NCOA1: variants seen among roughly 807,000 people sequenced by gnomAD.
The protein encoded by NCOA1 is Hin-2 protein.
Under a neutral mutation model 150.9 loss-of-function variants are expected in NCOA1, and 35 were observed. That is an observed-to-expected ratio of 0.23 (90% confidence interval 0.18 to 0.31). NCOA1 has a LOEUF of 0.31. NCOA1 is among the 10% of genes least tolerant of loss of function. The probability of loss-of-function intolerance (pLI) is 1.00; values close to 1 mark genes in which losing one functional copy is unlikely to be tolerated. For synonymous variants in NCOA1, 590 were observed against 630.0 expected (o/e 0.94, Z 0.95); for missense variants, 1,491 against 1,749.3 (o/e 0.85, Z 2.63).
At chr2:24,530,670 T>C (rs573439407) in intron 1 of NCOA1, among the ~76,000 whole-genome samples, 3 of 152,236 alleles carry the variant, frequency 2.0e-5, no homozygotes, top group Non-Finnish European at 4.4e-5. Context: ...TTATTTTGTT[T>C]AGTACTTTAA....
rs367947337 is a variant in NCOA1 at position 24,604,713 on chromosome 2, A to G, written c.-175+20153A>G. ...GGTTTGATCTATCCAGACCACTCAAACTTTACCCATATGAGCAACAAGGAG... is the reference window on the plus strand; with the variant it reads ...GGTTTGATCTATCCAGACCACTCAAGCTTTACCCATATGAGCAACAAGGAG... On this transcript the variant is annotated intron_variant, in intron 3 of 22. Coordinates refer to ENST00000348332, the MANE Select transcript of NCOA1 (RefSeq NM_003743.5). Among the ~76,000 whole-genome samples the G allele has an allele frequency of 4.6e-4, 70 of 152,268 alleles. 2 individuals carry two copies. The East Asian group carries it at 6.9e-3, about 15-fold the overall frequency.
At chr2:24,560,509 T>TA (rs1666254310) in intron 1 of NCOA1, among the ~76,000 whole-genome samples, 1 of 152,174 alleles carries the variant, frequency 6.6e-6, no homozygotes, top group Admixed American at 6.5e-5. Context: ...TGGAACTACT[T>TA]AGAGTGCTTG....
intron 14 of NCOA1, among the ~76,000 whole-genome samples, chr2:24,721,347 T>G (rs1674349253): frequency 1.3e-5 from 2 of 152,220 alleles, no homozygotes; most frequent in African/African-American, 4.8e-5. Context: ...TTAAAGTTGC[T>G]TTCTTTCTCC....
chr2:24,747,327 C>CTTTTTTTTTTTTTTTTTTTTTTTT (rs148901218), intron 19 of NCOA1, among the ~76,000 whole-genome samples: 7 of 120,164 alleles, frequency 5.8e-5, no homozygotes, highest in South Asian at 5.4e-4. Context: ...TTATTTTTCT[C>CTTTTTTTTTTTTTTTTTTTTTTTT]TTTTTTTTTT....
chr2:24,708,131 T>C (rs1673551188), intron 13 of NCOA1, among the ~76,000 whole-genome samples: 1 of 152,174 alleles, frequency 6.6e-6, no homozygotes, highest in African/African-American at 2.4e-5. Flanking sequence ...CTCTATAAAA[T>C]CAGTGTTCAC....
intron 10 of NCOA1, among the ~76,000 whole-genome samples, chr2:24,695,823 ATAACT>A (rs1214963226): frequency 6.6e-6 from 1 of 152,176 alleles, no homozygotes; most frequent in Non-Finnish European, 1.5e-5. Flanking sequence ...ACCATTGCTG[ATAACT>A]TAATCACTTT....
chr2:24,566,823 TGCTCCGAGATTGG>T (rs2148268792), intron 2 of NCOA1, among the ~76,000 whole-genome samples: 1 of 152,356 alleles, frequency 6.6e-6, no homozygotes, highest in African/African-American at 2.4e-5. Context: ...GCCTCAACTT[TGCTCCGAGATTGG>T]AGCAGGCGCT....
At chr2:24,764,279 T>C (rs1459282520) in intron 22 of NCOA1, among the ~76,000 whole-genome samples, 1 of 152,228 alleles carries the variant, frequency 6.6e-6, no homozygotes, top group Non-Finnish European at 1.5e-5. Context: ...GTTCCTGCCA[T>C]ACCAGTTAGG....
At chr2:24,712,288 G>C (rs973734126) in intron 14 of NCOA1, among the ~76,000 whole-genome samples, 1 of 152,210 alleles carries the variant, frequency 6.6e-6, no homozygotes. Context: ...CACAATTGAG[G>C]AAACAGTAAG....
intron 1 of NCOA1, among the ~76,000 whole-genome samples, chr2:24,544,825 C>CA (rs1558781739): frequency 6.6e-6 from 1 of 151,896 alleles, no homozygotes; most frequent in Non-Finnish European, 1.5e-5. Flanking sequence ...GCTAACAATT[C>CA]AAAAAACATT....
chr2:24,627,121 GTTTTT>G (rs33949925), intron 3 of NCOA1, among the ~76,000 whole-genome samples: 6 of 115,160 alleles, frequency 5.2e-5, no homozygotes, highest in Non-Finnish European at 1.0e-4. Flanking sequence ...GTTTTTTGCT[GTTTTT>G]TTTTTTTTTT....
chr2:24,647,515 A>T (rs1283113905), intron 4 of NCOA1, among the ~76,000 whole-genome samples: 1 of 152,224 alleles, frequency 6.6e-6, no homozygotes, highest in African/African-American at 2.4e-5. Context: ...GGTAAATCTT[A>T]CATAAGTGTT....
intron 1 of NCOA1, among the ~76,000 whole-genome samples, chr2:24,562,600 T>C (rs551809092): frequency 6.6e-6 from 1 of 152,206 alleles, no homozygotes; most frequent in Non-Finnish European, 1.5e-5. Context: ...AGGACCTGAT[T>C]AATGGTGCAT....
At chr2:24,651,063 G>A (rs1670689611) in intron 4 of NCOA1, among the ~76,000 whole-genome samples, 1 of 152,030 alleles carries the variant, frequency 6.6e-6, no homozygotes, top group South Asian at 2.1e-4. Context: ...ATTGGCAAAG[G>A]TGTTGAGAAA....
intron 14 of NCOA1, among the ~76,000 whole-genome samples, chr2:24,722,772 T>C (rs1431666997): frequency 2.6e-5 from 4 of 151,940 alleles, no homozygotes; most frequent in African/African-American, 9.7e-5. Context: ...TTTCAGTACC[T>C]AAAAAGATCC....
chr2:24,615,112 A>C (rs527862463), intron 3 of NCOA1, among the ~76,000 whole-genome samples: 1 of 152,366 alleles, frequency 6.6e-6, no homozygotes, highest in South Asian at 2.1e-4. Flanking sequence ...ACAGTCTTCC[A>C]GGTGATTCAC....
chr2:24,526,887 C>G (rs935359675), intron 1 of NCOA1, among the ~76,000 whole-genome samples: 1 of 151,708 alleles, frequency 6.6e-6, no homozygotes, highest in South Asian at 2.1e-4. Flanking sequence ...AGATATAATA[C>G]AGATTAAAAA....
chr2:24,551,283 C>G (rs1482571398), intron 1 of NCOA1, among the ~76,000 whole-genome samples: 2 of 152,034 alleles, frequency 1.3e-5, no homozygotes, highest in Admixed American at 6.5e-5. Flanking sequence ...TTGCATTGTC[C>G]AAATATTCTG....
chr2:24,742,670 C>T (rs1169583452), intron 19 of NCOA1, among the ~76,000 whole-genome samples: 2 of 150,714 alleles, frequency 1.3e-5, no homozygotes, highest in African/African-American at 2.4e-5. Context: ...CCATGTTGCT[C>T]ACACTGGTCT....
Sources: allele counts gnomAD v4.1 joint callset (sites outside exome capture counted in the v4.1 genomes callset), GRCh38; gene constraint gnomAD v4.1.1; transcripts MANE v1.5; gene names NCBI Gene and HGNC (gene_info 2026-07-23, HGNC 2026-07-21).